The following PLCE1 variants were observed in gnomAD, a reference collection of about 807,000 sequenced individuals.
PLCE1 encodes the protein 1-phosphatidylinositol 4,5-bisphosphate phosphodiesterase epsilon-1.
PLCE1 carries 119 observed loss-of-function variants against 242.8 expected under a neutral mutation model. The observed-to-expected ratio is 0.49, with a 90% confidence interval of 0.42 to 0.57. The LOEUF (loss-of-function observed/expected upper bound fraction) is 0.57, where lower values mean the gene tolerates loss of function less well. Among genes scored for constraint, PLCE1 ranks in the 20% least tolerant of loss-of-function variants. The pLI is 0.00. For synonymous variants in PLCE1, 945 were observed against 1,017.4 expected, an observed-to-expected ratio of 0.93 and a Z score of 1.35; for missense variants, 2,441 against 2,788.8, an observed-to-expected ratio of 0.88 and a Z score of 2.81.
At chr10:94,300,156 G>A (rs564083531) in intron 24 of PLCE1, among the ~76,000 whole-genome samples, 9 of 152,304 alleles carry the variant, frequency 5.9e-5, no homozygotes, top group African/African-American at 2.2e-4. Flanking sequence ...CAAGGAAATG[G>A]AAGTGCATTT....
chr10:94,258,503 C>T (rs1589432252), intron 11 of PLCE1, among the ~76,000 whole-genome samples: 1 of 152,248 alleles, frequency 6.6e-6, no homozygotes, highest in East Asian at 1.9e-4. Context: ...AGTTATTTTG[C>T]CCATTGATCT....
In PLCE1 at chr10:94,304,472, T is replaced by C; in HGVS notation, c.5459-10T>C. ...AGCTATATTGGCTTTCTTTGTTGTTTGTTTTACAGATCTCCCTTTACATTT... is the reference window on the plus strand; with the variant it reads ...AGCTATATTGGCTTTCTTTGTTGTTCGTTTTACAGATCTCCCTTTACATTT... On this transcript the variant is annotated splice_polypyrimidine_tract_variant and intron_variant, in intron 24 of 32. Transcript: ENST00000371380. 6.2e-7 allele frequency: 1 copy of C among 1,613,688 alleles called. No homozygotes were observed.
Position 94,246,641 on chromosome 10 carries a change from C to G in PLCE1, c.3096+20C>G. On this transcript the variant is annotated intron_variant, in intron 8 of 32. Coordinates refer to ENST00000371380, the MANE Select transcript of PLCE1 (RefSeq NM_016341.4). Reference sequence around the variant, plus strand: ...TATCAGGTAAGGGGTGCAGCCATCCCTCTTTCCTCACTGGCATAATACTCA... The same window carrying G: ...TATCAGGTAAGGGGTGCAGCCATCCGTCTTTCCTCACTGGCATAATACTCA... 2 of 1,607,438 alleles carry G rather than the reference C, an allele frequency of 1.2e-6. No individual in the cohort carries two copies. The highest frequency in any genetic ancestry group is 1.7e-6 in the Non-Finnish European group (2 of 1,176,008).
rs2051013866 is a variant in PLCE1 at position 94,254,937 on chromosome 10, A to G, written c.3442A>G (p.Arg1148Gly). ...CCCTCCAAACCCCCTCCCTTCCAGAAGAGCCCACTCTTTGACCACAGCTGG... is the reference window on the plus strand; with the variant it reads ...CCCTCCAAACCCCCTCCCTTCCAGAGGAGCCCACTCTTTGACCACAGCTGG... ...ANPPNPLPSR[R>G]AHSLTTAGSP... Residue 1148 changes from arginine (R) to glycine (G), a missense_variant, in exon 11 of 33, where the codon AGA (arginine) becomes GGA (glycine). Around this residue, in one of 5 missense-constraint regions of PLCE1, gnomAD observed 1,004 missense variants for 1,322.7 expected, o/e 0.76. Transcript: ENST00000371380. 1 of 1,614,064 alleles carries G rather than the reference A, an allele frequency of 6.2e-7. No individual in the cohort carries two copies. Among genetic ancestry groups the G allele is most frequent in the African/African-American group, 1.3e-5 (1 of 75,040 alleles).
chr10:94,276,861 G>T (rs1020761938), intron 19 of PLCE1, among the ~76,000 whole-genome samples: 1 of 152,050 alleles, frequency 6.6e-6, no homozygotes, highest in African/African-American at 2.4e-5. Context: ...AATCCCTATT[G>T]CCAGTTTTCT....
chr10:94,129,677 A>T (rs898205183), intron 2 of PLCE1, among the ~76,000 whole-genome samples: 1 of 152,246 alleles, frequency 6.6e-6, no homozygotes, highest in Non-Finnish European at 1.5e-5. Flanking sequence ...ATTAGGAACT[A>T]GGAATTGCCA....
intron 10 of PLCE1, 77 bp from the exon 11 acceptor site, chr10:94,254,816 C>A (rs1325713098): frequency 2.0e-6 from 3 of 1,499,350 alleles, no homozygotes; most frequent in African/African-American, 1.4e-5. Context: ...CATCCAGAAG[C>A]CTCTCTGGTT....
chr10:94,271,371 G>C (rs1478847061), intron 18 of PLCE1, among the ~76,000 whole-genome samples: 5 of 133,234 alleles, frequency 3.8e-5, no homozygotes, highest in Non-Finnish European at 7.7e-5. Flanking sequence ...CTGGAGTGCA[G>C]TGGTGCAATC....
intron 16 of PLCE1, among the ~76,000 whole-genome samples, chr10:94,266,763 G>A (rs904188576): frequency 1.3e-5 from 2 of 152,184 alleles, no homozygotes; most frequent in Non-Finnish European, 2.9e-5. Context: ...GCACCAGTGA[G>A]GTTTCTTTGT....
At chr10:94,264,352 T>C (rs1397011938) in intron 14 of PLCE1, among the ~76,000 whole-genome samples, 1 of 151,848 alleles carries the variant, frequency 6.6e-6, no homozygotes, top group Non-Finnish European at 1.5e-5. Context: ...TGGTGTACTG[T>C]GAGCTGCACA....
At chr10:94,177,895 C>T (rs2048174206) in intron 4 of PLCE1, among the ~76,000 whole-genome samples, 2 of 152,222 alleles carry the variant, frequency 1.3e-5, no homozygotes, top group Admixed American at 1.3e-4. Context: ...CCTCCCTTCA[C>T]TACCTCTCCC....
At chr10:94,132,686 C>T (rs2046638070) in intron 3 of PLCE1, among the ~76,000 whole-genome samples, 1 of 151,496 alleles carries the variant, frequency 6.6e-6, no homozygotes, top group Non-Finnish European at 1.5e-5. Flanking sequence ...TGCGGTGGCT[C>T]ACACCTGTAA....
chr10:94,117,545 G>A (rs1247637007), intron 2 of PLCE1, among the ~76,000 whole-genome samples: 1 of 152,098 alleles, frequency 6.6e-6, no homozygotes, highest in Non-Finnish European at 1.5e-5. Flanking sequence ...ATATGCAGAT[G>A]CCAAAGACCA....
At chr10:94,181,135 T>G (rs2048297306) in intron 4 of PLCE1, among the ~76,000 whole-genome samples, 1 of 152,214 alleles carries the variant, frequency 6.6e-6, no homozygotes, top group African/African-American at 2.4e-5. Flanking sequence ...TAATGTGACT[T>G]CCTTGAACAG....
intron 1 of PLCE1, among the ~76,000 whole-genome samples, chr10:94,014,575 G>T (rs2061241177): frequency 6.6e-6 from 1 of 152,046 alleles, no homozygotes; most frequent in Non-Finnish European, 1.5e-5. Flanking sequence ...TTTTGCAATT[G>T]TTACCATTGC....
intron 3 of PLCE1, among the ~76,000 whole-genome samples, chr10:94,141,734 A>G (rs1181266414): frequency 6.6e-6 from 1 of 151,934 alleles, no homozygotes; most frequent in Non-Finnish European, 1.5e-5. Context: ...GAAAGAAGGA[A>G]GATCGGGTAA....
rs552582024 is a variant in PLCE1 at position 94,148,205 on chromosome 10, C to CA, written c.1492+15753dup. Among the ~76,000 whole-genome samples, 725 of 152,002 alleles carry CA rather than the reference C, an allele frequency of 4.8e-3. 7 individuals are homozygous for CA. Among genetic ancestry groups the CA allele is most frequent in the African/African-American group, 0.017 (688 of 41,438 alleles). On this transcript the variant is annotated intron_variant, in intron 3 of 32. Coordinates refer to ENST00000371380, the MANE Select transcript of PLCE1 (RefSeq NM_016341.4). ...AATATAAAGTGATTAGAACACTGTC[C>CA]AAAAAAAGTGGAGATGGAGCGAAGA...
chr10:94,284,525 T>A (rs1474160743), intron 21 of PLCE1, among the ~76,000 whole-genome samples: 1 of 152,134 alleles, frequency 6.6e-6, no homozygotes, highest in East Asian at 1.9e-4. Context: ...TGTTGGACAA[T>A]GGAATTGTAA....
At chr10:94,153,564 T>C (rs573571672) in intron 3 of PLCE1, among the ~76,000 whole-genome samples, 78 of 152,046 alleles carry the variant, frequency 5.1e-4, no homozygotes, top group African/African-American at 1.9e-3. Flanking sequence ...CAAAAATAAA[T>C]AAAAGGCATC....
Sources: gnomAD v4.1 joint callset for allele counts (sites outside exome capture counted in the v4.1 genomes callset) on GRCh38, gnomAD v4.1.1 for gene constraint, gnomAD v4.1.1 regional missense constraint, MANE v1.5 for transcripts, NCBI Gene and HGNC (gene_info 2026-07-23, HGNC 2026-07-21) for gene names.